DNAAF1: variants seen among roughly 807,000 people sequenced by gnomAD.
DNAAF1 encodes dynein assembly factor 1, axonemal.
A neutral mutation model predicts 71.1 loss-of-function variants in DNAAF1; 65 were observed. The ratio of observed to expected loss-of-function variants is 0.91; its 90% CI spans 0.75 to 1.12. The LOEUF is 1.12. DNAAF1 is among the 50% of genes most tolerant of loss of function. The probability of loss-of-function intolerance (pLI) is 0.00; values close to 1 mark genes in which losing one functional copy is unlikely to be tolerated. For missense variants in DNAAF1, 1,178 were observed against 899.8 expected (o/e 1.31, Z -3.96); for synonymous variants, 414 against 354.6 (o/e 1.17, Z -1.88).
In DNAAF1 at chr16:84,145,496, C is replaced by A. The variant is rs1224756483; in HGVS notation, c.56C>A (p.Ala19Glu). 2 of 1,567,144 alleles carry A rather than the reference C, an allele frequency of 1.3e-6. No homozygotes were observed. The highest frequency in any genetic ancestry group is 2.3e-5 in the East Asian group (1 of 43,084). Reference protein sequence around the residue: ...ATGGAAELDCAQEPGVEESAG... With the variant: ...ATGGAAELDCEQEPGVEESAG... ...GGTGGTGCAGCAGAGCTGGATTGCG[C>A]GCAGGAGCCCGGCGTGGAGGAGTCT... The change falls in exon 1 of 12, where the codon GCG becomes GAG. Residue 19 changes from alanine (A) to glutamate (E), a missense_variant. Coordinates refer to ENST00000378553, the MANE Select transcript of DNAAF1 (RefSeq NM_178452.6).
chr16:84,164,145 T>C (rs1006109838), intron 6 of DNAAF1, among the ~76,000 whole-genome samples: 6 of 152,162 alleles, frequency 3.9e-5, no homozygotes, highest in East Asian at 1.9e-4. Flanking sequence ...TACTGAAAAA[T>C]TGAGCAGAAA....
chr16:84,149,858 C>T (rs538961763), intron 2 of DNAAF1, among the ~76,000 whole-genome samples: 1 of 150,850 alleles, frequency 6.6e-6, no homozygotes, highest in Admixed American at 6.6e-5. Context: ...AACCCCCCCT[C>T]TACTAAAAAT....
At chr16:84,154,951 C>T (rs1291112218) in intron 4 of DNAAF1, among the ~76,000 whole-genome samples, 153 bp downstream of exon 4, 1 of 151,952 alleles carries the variant, frequency 6.6e-6, no homozygotes, top group African/African-American at 2.4e-5. Context: ...CTCTGTCGCC[C>T]AGGCTGGAGT....
intron 8 of DNAAF1, 147 bp from the exon 9 acceptor site, chr16:84,172,113 G>A: frequency 1.3e-6 from 1 of 758,740 alleles, no homozygotes; most frequent in South Asian, 1.5e-5. Context: ...TTCTGACCTT[G>A]TGATCCGCCC....
chr16:84,165,723 T>C, intron 6 of DNAAF1, 60 bp from the exon 7 acceptor site: 1 of 1,510,528 alleles, frequency 6.6e-7, no homozygotes, highest in South Asian at 1.1e-5. Context: ...AGCAAGTTGA[T>C]CAGACAGTGT....
chr16:84,174,359 T>C, intron 9 of DNAAF1: 1 of 1,282,050 alleles, frequency 7.8e-7, no homozygotes. Flanking sequence ...TTGGGTCCCA[T>C]TATTTCCCCC....
chr16:84,154,937 C>T (rs894434842), intron 4 of DNAAF1, 139 bp downstream of exon 4: 10 of 783,536 alleles, frequency 1.3e-5, no homozygotes, highest in Non-Finnish European at 2.1e-5. Flanking sequence ...GAGACAGAGT[C>T]TTGCTCTGTC....
intron 5 of DNAAF1, among the ~76,000 whole-genome samples, chr16:84,156,955 C>T (rs747930608): frequency 6.7e-5 from 10 of 149,304 alleles, no homozygotes; most frequent in African/African-American, 2.0e-4. Context: ...TGGGCTCAAG[C>T]GATCCTCCCA....
At chr16:84,175,317 T>C (rs2088594286) in intron 10 of DNAAF1, 1 of 177,902 alleles carries the variant, frequency 5.6e-6, no homozygotes, top group East Asian at 1.4e-4. Context: ...AAGATGTATT[T>C]CTATGTCCAT....
intron 1 of DNAAF1, among the ~76,000 whole-genome samples, chr16:84,147,949 T>C (rs1010071873): frequency 1.3e-5 from 2 of 151,888 alleles, no homozygotes; most frequent in Non-Finnish European, 1.5e-5. Context: ...GCGCTGGTAA[T>C]CCTAGCTACT....
intron 11 of DNAAF1, chr16:84,176,781 T>A (rs1386651742): frequency 4.7e-6 from 1 of 212,990 alleles, no homozygotes; most frequent in Non-Finnish European, 9.7e-6. Flanking sequence ...CACAGGCCAG[T>A]CCTAGTGGCC....
intron 8 of DNAAF1, among the ~76,000 whole-genome samples, chr16:84,171,710 C>T (rs1379890213): frequency 3.3e-5 from 5 of 152,198 alleles, no homozygotes; most frequent in Admixed American, 2.6e-4. Context: ...TCCAAGATTC[C>T]TGCGGCTGCT....
chr16:84,149,176 A>G (rs368008465), intron 2 of DNAAF1, 34 bp downstream of exon 2: 159 of 1,613,088 alleles, frequency 9.9e-5, no homozygotes, highest in Non-Finnish European at 1.3e-4. Flanking sequence ...GTGCACATTT[A>G]TGGAGTAAGG....
In DNAAF1 at chr16:84,172,492, G is replaced by A. The variant is rs1003869945; in HGVS notation, c.1644+117G>A. On this transcript the variant is annotated intron_variant, in intron 9 of 11. Coordinates refer to ENST00000378553, the MANE Select transcript of DNAAF1 (RefSeq NM_178452.6). ...CCAAGTGTGGTCCTTGGGCCGGCAG[G>A]CCTGGCATTTCTGGGGCGCTGGTTA... 6 of 1,524,668 alleles carry A rather than the reference G, an allele frequency of 3.9e-6. No individual in the cohort carries two copies. The Admixed American group carries it at 8.0e-5, about 20-fold the overall frequency. The allele number at this position is 1,524,668 out of a possible 1,614,324, so 94.4% of individuals were successfully genotyped here. A position where few individuals can be genotyped will look rare whatever the true frequency, so the allele number is the denominator to read the frequency against.
chr16:84,165,870 C>T lies in DNAAF1; in HGVS notation c.951C>T (p.Ile317=). Residue 317 remains isoleucine (I), a synonymous_variant, in exon 7 of 12, where the codon ATC becomes ATT. Coordinates refer to ENST00000378553, the MANE Select transcript of DNAAF1 (RefSeq NM_178452.6). ...QQWESRERKK[I]TDSIEALAMI... is the part of the protein sequence containing the mutation. Reference sequence around the variant, plus strand: ...GGGAGAGCAGGGAGCGGAAGAAGATCACAGACAGCATTGAAGCCTTGGCCA... The same window carrying T: ...GGGAGAGCAGGGAGCGGAAGAAGATTACAGACAGCATTGAAGCCTTGGCCA... 5 of 1,613,302 alleles carry T rather than the reference C, an allele frequency of 3.1e-6. No individual in the cohort carries two copies. Among genetic ancestry groups the T allele is most frequent in the Non-Finnish European group, 2.5e-6 (3 of 1,179,898 alleles).
intron 1 of DNAAF1, among the ~76,000 whole-genome samples, chr16:84,146,428 C>G (rs879679923): frequency 6.6e-6 from 1 of 151,958 alleles, no homozygotes; most frequent in East Asian, 1.9e-4. Context: ...TGAAAGATAA[C>G]CTTCATGGCC....
At chr16:84,161,281 C>A (rs2087703309) in intron 6 of DNAAF1, among the ~76,000 whole-genome samples, 1 of 152,146 alleles carries the variant, frequency 6.6e-6, no homozygotes, top group Non-Finnish European at 1.5e-5. Context: ...GATCCTGCTC[C>A]CGCCCCAGGG....
At position 84,172,160 on chromosome 16, in the gene DNAAF1, A is replaced by G. The variant is rs568966509; in HGVS notation, c.1529-100A>G. The G allele has an allele frequency of 9.3e-5, 103 of 1,113,400 alleles. 4 individuals are homozygous for G. The South Asian group carries it at 1.3e-3, about 14-fold the overall frequency. The allele number at this position is 1,113,400 out of a possible 1,614,324, so 69.0% of individuals were successfully genotyped here. ...CCAAAGTGTTGGGATTACAGGCATGAGCCACCGAGCCCGGCCCTTGGGAGC... is the reference window on the plus strand; with the variant it reads ...CCAAAGTGTTGGGATTACAGGCATGGGCCACCGAGCCCGGCCCTTGGGAGC... On this transcript the variant is annotated intron_variant, in intron 8 of 11. Coordinates refer to ENST00000378553, the MANE Select transcript of DNAAF1 (RefSeq NM_178452.6).
chr16:84,154,012 A>G (rs1485095267), intron 3 of DNAAF1, among the ~76,000 whole-genome samples: 2 of 152,090 alleles, frequency 1.3e-5, no homozygotes, highest in East Asian at 3.9e-4. Flanking sequence ...CCACCCCCGA[A>G]TGAGTCACCG....
Sources: allele counts gnomAD v4.1 joint callset (sites outside exome capture counted in the v4.1 genomes callset), GRCh38; gene constraint gnomAD v4.1.1; transcripts MANE v1.5; gene names NCBI Gene and HGNC (gene_info 2026-07-23, HGNC 2026-07-21).